Variants in CDKAL1 observed in about 807,000 individuals in gnomAD.
CDKAL1 encodes the protein threonylcarbamoyladenosine tRNA methylthiotransferase.
In CDKAL1, 32 loss-of-function variants were observed where a neutral mutation model predicts 68.2. The ratio of observed to expected loss-of-function variants is 0.47; its 90% CI spans 0.35 to 0.63. The LOEUF (loss-of-function observed/expected upper bound fraction) is 0.63. Ranked by LOEUF, CDKAL1 falls within the 30% of genes least tolerant of loss-of-function variation. The pLI is 0.00. For missense variants in CDKAL1, 606 were observed against 696.7 expected (o/e 0.87, Z 1.47); for synonymous variants, 234 against 244.3 (o/e 0.96, Z 0.39).
rs542070472 is a variant in CDKAL1 at position 20,553,939 on chromosome 6, C to T, written c.286+5234C>T. Among the ~76,000 whole-genome samples the T allele has an allele frequency of 2.0e-5, 3 of 151,350 alleles. No homozygotes were observed. In the South Asian group the frequency reaches 6.3e-4, roughly 32 times the overall value. ...CTTTTAAATGATTCTCCTGCCTCAG[C>T]CTCCTGAGTAGCTGGGATTACAGGT... On this transcript the variant is annotated intron_variant, in intron 4 of 15. Transcript: ENST00000274695.
intron 9 of CDKAL1, among the ~76,000 whole-genome samples, chr6:20,940,715 T>G (rs1763927026): frequency 6.6e-6 from 1 of 152,136 alleles, no homozygotes; most frequent in South Asian, 2.1e-4. Context: ...GTTGTAAAAA[T>G]TATTTTAAAA....
intron 10 of CDKAL1, among the ~76,000 whole-genome samples, chr6:20,999,663 T>TAAA (rs36078234): frequency 0.049 from 4,531 of 92,800 alleles, 121 homozygotes; most frequent in East Asian, 0.13. Context: ...TGACTGAAAT[T>TAAA]AAAAAAAAAA....
At chr6:20,569,260 G>A (rs1295194938) in intron 4 of CDKAL1, among the ~76,000 whole-genome samples, 2 of 152,168 alleles carry the variant, frequency 1.3e-5, no homozygotes, top group African/African-American at 2.4e-5. Flanking sequence ...GGCCTTATTG[G>A]TGCTTTACAG....
chr6:21,153,235 C>CTTT (rs1162272560), intron 13 of CDKAL1, among the ~76,000 whole-genome samples: 35 of 96,206 alleles, frequency 3.6e-4, no homozygotes, highest in African/African-American at 6.6e-4. Context: ...TATGTGATTT[C>CTTT]TTTTTTTTTT....
intron 4 of CDKAL1, among the ~76,000 whole-genome samples, chr6:20,596,059 GATGCCAGCCGGAGCT>G (rs1765808680): frequency 6.6e-6 from 1 of 152,198 alleles, no homozygotes; most frequent in Non-Finnish European, 1.5e-5. Flanking sequence ...TCGTCTGCCA[GATGCCAGCCGGAGCT>G]CTCCTGTATG....
chr6:20,732,536 C>T (rs1002224420), intron 5 of CDKAL1, among the ~76,000 whole-genome samples: 3 of 151,790 alleles, frequency 2.0e-5, no homozygotes, highest in African/African-American at 7.3e-5. Flanking sequence ...ATCTGCCCGC[C>T]TCTGCCTCCC....
At chr6:20,947,888 A>C (rs1202467229) in intron 9 of CDKAL1, among the ~76,000 whole-genome samples, 1 of 152,116 alleles carries the variant, frequency 6.6e-6, no homozygotes, top group African/African-American at 2.4e-5. Context: ...AAGTTGAAAA[A>C]TCCTAAGTTG....
At chr6:20,601,819 C>G (rs188824222) in intron 4 of CDKAL1, among the ~76,000 whole-genome samples, 25 of 152,234 alleles carry the variant, frequency 1.6e-4, no homozygotes, top group African/African-American at 5.8e-4. Context: ...TTACTGGCAG[C>G]CTAGAATCCA....
At chr6:20,964,159 A>G (rs935760715) in intron 10 of CDKAL1, among the ~76,000 whole-genome samples, 1 of 152,216 alleles carries the variant, frequency 6.6e-6, no homozygotes, top group Non-Finnish European at 1.5e-5. Context: ...TCAAAAAATA[A>G]CAGATGCTGG....
At chr6:20,793,372 A>T (rs1444448531) in intron 8 of CDKAL1, among the ~76,000 whole-genome samples, 1 of 152,158 alleles carries the variant, frequency 6.6e-6, no homozygotes, top group Non-Finnish European at 1.5e-5. Context: ...ATGTTGACAC[A>T]TTGCACGCAT....
chr6:21,125,024 C>G (rs1356995712), intron 13 of CDKAL1, among the ~76,000 whole-genome samples: 1 of 151,976 alleles, frequency 6.6e-6, no homozygotes, highest in Non-Finnish European at 1.5e-5. Flanking sequence ...TTTTTTGTTT[C>G]TAGAAGCCAC....
intron 4 of CDKAL1, among the ~76,000 whole-genome samples, chr6:20,551,527 C>A (rs995733000): frequency 2.0e-5 from 3 of 151,734 alleles, no homozygotes; most frequent in African/African-American, 7.3e-5. Flanking sequence ...ACCACCATGC[C>A]TGGCTAATTT....
intron 10 of CDKAL1, among the ~76,000 whole-genome samples, chr6:20,981,287 TTG>T (rs1357821151): frequency 2.6e-5 from 4 of 152,224 alleles, no homozygotes; most frequent in Non-Finnish European, 5.9e-5. Flanking sequence ...ATCATTGAAC[TTG>T]TAAGGGATTG....
intron 9 of CDKAL1, among the ~76,000 whole-genome samples, chr6:20,846,685 G>C (rs1203021785): frequency 6.6e-6 from 1 of 152,168 alleles, no homozygotes; most frequent in South Asian, 2.1e-4. Flanking sequence ...GATTGGTACT[G>C]GGGGAGAGGC....
intron 15 of CDKAL1, among the ~76,000 whole-genome samples, chr6:21,220,536 G>A (rs184783406): frequency 1.8e-4 from 28 of 152,294 alleles, no homozygotes; most frequent in East Asian, 5.8e-4. Flanking sequence ...AAATGCCAGC[G>A]CACCACTGTT....
rs1776172174 is a variant in CDKAL1, at chr6:20,797,788, T to TATTTTATTTC, written c.638+16532_638+16533insCATTTTATTT. 2.1e-5 allele frequency among the ~76,000 whole-genome samples: 3 copies of TATTTTATTTC among 145,512 alleles called. No homozygotes were observed. In the South Asian group the frequency reaches 6.5e-4, roughly 31 times the overall value. On this transcript the variant is annotated intron_variant, in intron 8 of 15. Transcript: ENST00000274695. ...TATTTTATTTTATTTTATTTTATTT[T>TATTTTATTTC]ATTTTATTTTATTTTATTTTATTTT...
At chr6:21,110,424 C>A (rs1774064906) in intron 13 of CDKAL1, among the ~76,000 whole-genome samples, 1 of 152,084 alleles carries the variant, frequency 6.6e-6, no homozygotes, top group Admixed American at 6.5e-5. Flanking sequence ...GCTATTTTTC[C>A]CCGCATGAAT....
chr6:20,675,985 G>A (rs910484101), intron 5 of CDKAL1, among the ~76,000 whole-genome samples: 2 of 152,070 alleles, frequency 1.3e-5, no homozygotes, highest in Admixed American at 1.3e-4. Context: ...CTAGGCTAAT[G>A]TGTGTGTTTG....
At chr6:20,884,499 C>T (rs1006522511) in intron 9 of CDKAL1, among the ~76,000 whole-genome samples, 5 of 152,068 alleles carry the variant, frequency 3.3e-5, no homozygotes, top group African/African-American at 1.2e-4. Context: ...ACTCGAATTC[C>T]CAATCAGAGC....
Sources: allele counts gnomAD v4.1 joint callset (sites outside exome capture counted in the v4.1 genomes callset), GRCh38; gene constraint gnomAD v4.1.1; transcripts MANE v1.5; gene names NCBI Gene and HGNC (gene_info 2026-07-23, HGNC 2026-07-21).